Variants in HNMT observed in about 807,000 individuals in gnomAD.
HNMT encodes the protein histamine N-methyltransferase.
A neutral mutation model predicts 32.1 loss-of-function variants in HNMT; 30 were observed. That is an observed-to-expected ratio of 0.93 (90% CI 0.70 to 1.27). The LOEUF is 1.27. Among genes scored for constraint, HNMT ranks in the 50% most tolerant of loss-of-function variants. The pLI is 0.00. For missense variants in HNMT, 327 were observed against 346.0 expected, an observed-to-expected ratio of 0.95 and a Z score of 0.43; for synonymous variants, 125 against 119.0, an observed-to-expected ratio of 1.05 and a Z score of -0.33.
Position 138,013,977 on chromosome 2 carries a change from T to G in HNMT, c.726T>G (p.Asp242Glu). 6.2e-7 allele frequency: 1 copy of G among 1,613,714 alleles called. No individual in the cohort carries two copies. Among genetic ancestry groups the G allele is most frequent in the Non-Finnish European group, 8.5e-7 (1 of 1,179,796 alleles). ...ATGAAAATGGAGACCTGCTTTGGGA[T>G]TTTTTGACTGAAACCTGCAACTTTA... The part of the protein sequence containing the change: ...DGNENGDLLW[D>E]FLTETCNFNA... The change falls in exon 6 of 6, where the codon GAT becomes GAG. Residue 242 changes from aspartate (D) to glutamate (E), a missense_variant. Physicochemically the swap from Asp to Glu is conservative, Grantham distance 45. Transcript: ENST00000280097.
intron 2 of HNMT, among the ~76,000 whole-genome samples, chr2:137,994,304 A>C (rs1203999617): frequency 6.6e-6 from 1 of 152,250 alleles, no homozygotes; most frequent in Non-Finnish European, 1.5e-5. Flanking sequence ...AAAGACATGC[A>C]TAGGCTCAAA....
At chr2:137,969,935 T>C (rs911174343) in intron 1 of HNMT, among the ~76,000 whole-genome samples, 1 of 152,190 alleles carries the variant, frequency 6.6e-6, no homozygotes, top group African/African-American at 2.4e-5. Flanking sequence ...CTCTGATATG[T>C]ACATACTGCC....
At chr2:137,976,904 G>C (rs1333965435) in intron 2 of HNMT, among the ~76,000 whole-genome samples, 2 of 152,316 alleles carry the variant, frequency 1.3e-5, no homozygotes, top group South Asian at 4.1e-4. Context: ...AGATTCAAGA[G>C]AAGGGAGCAT....
chr2:137,985,518 T>C (rs1356184824), intron 2 of HNMT, among the ~76,000 whole-genome samples: 1 of 152,262 alleles, frequency 6.6e-6, no homozygotes, highest in African/African-American at 2.4e-5. Flanking sequence ...CTTTCCTACA[T>C]ACTTTTATTC....
intron 2 of HNMT, among the ~76,000 whole-genome samples, chr2:137,970,505 A>G (rs1334530996): frequency 1.3e-5 from 2 of 152,212 alleles, no homozygotes; most frequent in Non-Finnish European, 1.5e-5. Context: ...ATCCAAAATG[A>G]TTAAAATACT....
intron 1 of HNMT, among the ~76,000 whole-genome samples, chr2:137,965,948 G>C (rs1679945429): frequency 6.6e-6 from 1 of 152,170 alleles, no homozygotes; most frequent in South Asian, 2.1e-4. Flanking sequence ...ATCTGTGAAA[G>C]ACTGAAGAAT....
At chr2:137,967,090 C>G (rs1335305952) in intron 1 of HNMT, 1 of 780,546 alleles carries the variant, frequency 1.3e-6, no homozygotes, top group East Asian at 2.4e-5. Context: ...TTTCCACTGT[C>G]TTTTAGATAC....
At position 137,970,227 on chromosome 2, in the gene HNMT, A is replaced by G; in HGVS notation, c.190+10A>G. 1 of 1,471,318 alleles carries G rather than the reference A, an allele frequency of 6.8e-7. No homozygotes were observed. The highest frequency in any genetic ancestry group is 9.4e-7 in the Non-Finnish European group (1 of 1,067,880). 91.1% of individuals were successfully genotyped at this position (1,471,318 alleles called of 1,614,324 possible). ...ATAGGCGGAGGTGCAGGTATGAGTA[A>G]TATATTTTTAAAGTTCATATTTCAC... On this transcript the variant is annotated intron_variant, in intron 2 of 5. Coordinates refer to ENST00000280097, the MANE Select transcript of HNMT (RefSeq NM_006895.3).
chr2:137,989,461 CTTTG>C (rs1230618407), intron 2 of HNMT, among the ~76,000 whole-genome samples: 1 of 152,140 alleles, frequency 6.6e-6, no homozygotes, highest in East Asian at 1.9e-4. Flanking sequence ...ACCACAGATT[CTTTG>C]TTTGTTTGTT....
chr2:137,973,355 A>G (rs1245813369), intron 2 of HNMT, among the ~76,000 whole-genome samples: 4 of 152,280 alleles, frequency 2.6e-5, no homozygotes, highest in South Asian at 2.1e-4. Context: ...ATGCATTACT[A>G]TACAGCAAGG....
At chr2:137,993,325 G>A (rs1309467229) in intron 2 of HNMT, among the ~76,000 whole-genome samples, 4 of 152,118 alleles carry the variant, frequency 2.6e-5, no homozygotes, top group Non-Finnish European at 4.4e-5. Context: ...TAGAGGAATT[G>A]CTAACTAGAA....
intron 2 of HNMT, among the ~76,000 whole-genome samples, chr2:137,974,835 C>T (rs1680240670): frequency 6.6e-6 from 1 of 152,162 alleles, no homozygotes; most frequent in Non-Finnish European, 1.5e-5. Flanking sequence ...ATATGAAATA[C>T]AGGTGTTATC....
At chr2:137,987,738 T>A (rs1178208825) in intron 2 of HNMT, among the ~76,000 whole-genome samples, 1 of 151,448 alleles carries the variant, frequency 6.6e-6, no homozygotes, top group Non-Finnish European at 1.5e-5. Flanking sequence ...ATCCAGCATT[T>A]AAGTATCCTT....
At chr2:137,999,127 C>T (rs1323143603) in intron 2 of HNMT, among the ~76,000 whole-genome samples, 1 of 152,152 alleles carries the variant, frequency 6.6e-6, no homozygotes, top group Non-Finnish European at 1.5e-5. Flanking sequence ...GTGACTTAAA[C>T]TTCAGGTATA....
intron 2 of HNMT, chr2:137,981,260 T>C: frequency 6.2e-7 from 1 of 1,613,650 alleles, no homozygotes; most frequent in Non-Finnish European, 8.5e-7. Context: ...GCGGAATTCG[T>C]GTTTCATTTT....
At chr2:137,968,741 G>A (rs958568478) in intron 1 of HNMT, among the ~76,000 whole-genome samples, 4 of 152,034 alleles carry the variant, frequency 2.6e-5, no homozygotes, top group Non-Finnish European at 5.9e-5. Flanking sequence ...ATTGAAGAAG[G>A]CAAATCATTT....
At chr2:137,967,151 C>T (rs1375460380) in intron 1 of HNMT, 1 of 776,760 alleles carries the variant, frequency 1.3e-6, no homozygotes, top group South Asian at 1.3e-5. Context: ...TGGTTCACGC[C>T]TGTAATCCTA....
intron 1 of HNMT, chr2:137,967,367 CTCT>C (rs1352165272): frequency 6.9e-6 from 3 of 432,088 alleles, no homozygotes; most frequent in Non-Finnish European, 1.2e-5. Flanking sequence ...TGAGACACTG[CTCT>C]CAGCCTGGAT....
chr2:138,013,057 T>G (rs1681557778), intron 5 of HNMT, among the ~76,000 whole-genome samples: 2 of 152,138 alleles, frequency 1.3e-5, no homozygotes, highest in South Asian at 4.1e-4. Context: ...AACCATGTTT[T>G]AGTAGTGAAG....
Sources: gnomAD v4.1 joint callset for allele counts (sites outside exome capture counted in the v4.1 genomes callset) on GRCh38, gnomAD v4.1.1 for gene constraint, MANE v1.5 for transcripts, NCBI Gene and HGNC (gene_info 2026-07-23, HGNC 2026-07-21) for gene names.